The following TNXB variants were observed in gnomAD, a reference collection of about 807,000 sequenced individuals.
The protein encoded by TNXB is tenascin-X.
Under a neutral mutation model 340.5 loss-of-function variants are expected in TNXB, and 183 were observed. The ratio of observed to expected loss-of-function variants is 0.54; its 90% confidence interval spans 0.48 to 0.61. The LOEUF is 0.61. Among genes scored for constraint, TNXB ranks in the 20% least tolerant of loss-of-function variants. TNXB has a pLI of 0.00. For synonymous variants in TNXB, 2,121 were observed against 2,314.5 expected, an observed-to-expected ratio of 0.92 and a Z score of 2.40; for missense variants, 4,613 against 5,446.4, an observed-to-expected ratio of 0.85 and a Z score of 4.82.
intron 23 of TNXB, 63 bp downstream of exon 23, chr6:32,056,523 A>G (rs1026222432): frequency 2.5e-6 from 4 of 1,579,242 alleles, no homozygotes; most frequent in Non-Finnish European, 3.4e-6. Context: ...ACCAGTCATC[A>G]CCAAAGAGCA....
rs2894233 is a variant in TNXB, at chr6:32,043,901, A to G, written c.11387-9T>C. 0.019 allele frequency: 30,811 copies of G among 1,610,014 alleles called. 408 individuals carry two copies. The highest frequency in any genetic ancestry group is 0.023 in the Non-Finnish European group (27,296 of 1,177,022). On this transcript the variant is annotated splice_polypyrimidine_tract_variant and intron_variant, in intron 34 of 43. Transcript: ENST00000644971. ...CACACTCTGAGGCTCCCCTGAAAAC[A>G]TTGGGGATCGAGGGTTACCCAGGGA... is the stretch of plus-strand genomic sequence containing the variant.
At chr6:32,066,472 G>A (rs1374291099) in intron 18 of TNXB, among the ~76,000 whole-genome samples, 3 of 152,174 alleles carry the variant, frequency 2.0e-5, no homozygotes, top group African/African-American at 7.2e-5. Context: ...CTACATTGAT[G>A]AACCTCAAAA....
chr6:32,073,519 C>T lies in TNXB; in HGVS notation c.4681+128G>A. On this transcript the variant is annotated intron_variant, in intron 12 of 43. Coordinates refer to ENST00000644971, the MANE Select transcript of TNXB (RefSeq NM_001365276.2). This position sits in a 1 kb window ranked among gnomAD's most constrained non-coding sequence, Gnocchi z 4.6. ...CAGAAAGACTGGCAGGGTCACCGAG[C>T]CAGGGCCTGAGGGGATCTAGCCCCT... is the stretch of plus-strand genomic sequence containing the variant. 1 of 796,348 alleles carries T rather than the reference C, an allele frequency of 1.3e-6. No individual in the cohort carries two copies. The highest frequency in any genetic ancestry group is 2.0e-6 in the Non-Finnish European group (1 of 512,728). The allele number at this position is 796,348 out of a possible 1,614,324, so 49.3% of individuals were successfully genotyped here.
chr6:32,069,775 G>A lies in TNXB; in HGVS notation c.5365C>T (p.Gln1789Ter). 1 of 1,611,274 alleles carries A rather than the reference G, an allele frequency of 6.2e-7. No homozygotes were observed. Among genetic ancestry groups the A allele is most frequent in the Non-Finnish European group, 8.5e-7 (1 of 1,178,838 alleles). Residue 1789 changes from glutamine to a stop codon, truncating the protein, a stop_gained, in exon 15 of 44, where the codon CAG (glutamine) becomes TAG (stop). Coordinates refer to ENST00000644971, the MANE Select transcript of TNXB (RefSeq NM_001365276.2). LOFTEE classifies it high-confidence loss of function. The surrounding 1 kb of genome is among the most constrained non-coding windows in gnomAD (Gnocchi z 6.2). ...GEELQVTTVT[Q>*]NSVGLSWTVP... Reference sequence around the variant, plus strand: ...GTCCAGGAGAGGCCCACGGAGTTCTGGGTCACGGTGGTCACCTGCAGCTCC... The same window carrying A: ...GTCCAGGAGAGGCCCACGGAGTTCTAGGTCACGGTGGTCACCTGCAGCTCC...
At position 32,061,430 on chromosome 6, in the gene TNXB, G is replaced by A. The variant is rs747880757; in HGVS notation, c.7459C>T (p.Arg2487Cys). Reference protein sequence around the residue: ...MHLYGLHEGRRVGPVSTVGVT... With the variant: ...MHLYGLHEGRCVGPVSTVGVT... ...CCCACGGTGGACACCGGGCCCACGC[G>A]CCGCCCCTCGTGGAGGCCATACAGG... Residue 2487 changes from arginine to cysteine, a missense_variant, in exon 21 of 44, where the codon CGC becomes TGC. Physicochemically the swap from Arg to Cys is radical, Grantham distance 180. This residue lies in a region of TNXB where 4,327 missense variants were observed against 4,859.4 expected (regional missense o/e 0.89). Transcript: ENST00000644971. This position sits in a 1 kb window ranked among gnomAD's most constrained non-coding sequence, Gnocchi z 4.4. The A allele has an allele frequency of 3.7e-5, 60 of 1,612,532 alleles. No homozygotes were observed. The highest frequency in any genetic ancestry group is 1.6e-4 in the Middle Eastern group (1 of 6,078).
Position 32,070,232 on chromosome 6 carries a change from A to G in TNXB, c.5173T>C (p.Ser1725Pro), listed in dbSNP as rs1226299219. ...GCATCCAGAGGGGTGACAGTGACAG[A>G]GCGCTCATGGCCCTCCACGGGCACC... ...QVVPVEGHERSVTVTPLDAGR... is the reference protein window; with the variant it reads ...QVVPVEGHERPVTVTPLDAGR... The change falls in exon 14 of 44, where the codon TCT becomes CCT. Residue 1725 changes from serine (S) to proline (P), a missense_variant. This residue lies in a region of TNXB where 4,327 missense variants were observed against 4,859.4 expected (regional missense o/e 0.89). Coordinates refer to ENST00000644971, the MANE Select transcript of TNXB (RefSeq NM_001365276.2). This position sits in a 1 kb window ranked among gnomAD's most constrained non-coding sequence, Gnocchi z 6.0. 1.6e-5 allele frequency: 26 copies of G among 1,610,036 alleles called. No individual in the cohort carries two copies. Among genetic ancestry groups the G allele is most frequent in the Non-Finnish European group, 2.1e-5 (25 of 1,178,430 alleles).
Position 32,043,906 on chromosome 6 carries a change from G to T in TNXB, c.11387-14C>A. ...TCTGAGGCTCCCCTGAAAACATTGG[G>T]GATCGAGGGTTACCCAGGGAACCCC... On this transcript the variant is annotated splice_polypyrimidine_tract_variant and intron_variant, in intron 34 of 43. Transcript: ENST00000644971. 6.2e-7 allele frequency: 1 copy of T among 1,613,526 alleles called. No homozygotes were observed. Among genetic ancestry groups the T allele is most frequent in the Non-Finnish European group, 8.5e-7 (1 of 1,179,986 alleles).
chr6:32,060,781 G>C (rs916474634), intron 21 of TNXB, among the ~76,000 whole-genome samples: 1 of 151,874 alleles, frequency 6.6e-6, no homozygotes, highest in Non-Finnish European at 1.5e-5. Flanking sequence ...TGGGATTACA[G>C]GCATGTGCCA....
At position 32,079,221 on chromosome 6, in the gene TNXB, T is replaced by TG. The variant is rs963127265; in HGVS notation, c.4186dup (p.Gln1396ProfsTer29). The TG allele has an allele frequency of 1.2e-6, 2 of 1,613,736 alleles. No homozygotes were observed. Among genetic ancestry groups the TG allele is most frequent in the Non-Finnish European group, 1.7e-6 (2 of 1,179,862 alleles). On this transcript the variant is annotated frameshift_variant, in exon 11 of 44. Transcript: ENST00000644971. LOFTEE classifies it high-confidence loss of function. The surrounding 1 kb of genome is among the most constrained non-coding windows in gnomAD (Gnocchi z 7.1). Reference sequence around the variant, plus strand: ...CACGGTGAAAGAGTCGAAGCTGCCCTGGGGGACGGTCCAGAAGAGGCTCAG... The same window carrying TG: ...CACGGTGAAAGAGTCGAAGCTGCCCTGGGGGGACGGTCCAGAAGAGGCTCAG...
chr6:32,098,730 TCAG>T (rs893287013), intron 1 of TNXB, among the ~76,000 whole-genome samples: 1 of 152,202 alleles, frequency 6.6e-6, no homozygotes, highest in African/African-American at 2.4e-5. Context: ...TCTGCTCGCC[TCAG>T]CCTCCCAAAG....
In TNXB at chr6:32,046,421, C is replaced by A; in HGVS notation, c.10360G>T (p.Glu3454Ter). 1.3e-6 allele frequency: 2 copies of A among 1,576,966 alleles called. No homozygotes were observed. The change falls in exon 31 of 44, where the codon GAA becomes TAA. Residue 3454 changes from glutamate (E) to a stop codon, truncating the protein, a stop_gained. Transcript: ENST00000644971. LOFTEE classifies it high-confidence loss of function. This position sits in a 1 kb window ranked among gnomAD's most constrained non-coding sequence, Gnocchi z 6.9. ...LEKELPPHLG[E>*]LTVAEETSSS... The stretch of plus-strand genomic sequence containing the variant: ...GAGGTCTCCTCAGCCACGGTCAGTT[C>A]CCCCAGGTGGGGAGGTAGCTCCTTC...
At chr6:32,071,875 G>T in intron 13 of TNXB, 115 bp downstream of exon 13, 1 of 943,392 alleles carries the variant, frequency 1.1e-6, no homozygotes. Context: ...CTAGCCCCAT[G>T]TGGCTTTTCA....
intron 28 of TNXB, 65 bp from the exon 29 acceptor site, chr6:32,048,715 T>A: frequency 7.4e-7 from 1 of 1,349,914 alleles, no homozygotes; most frequent in Non-Finnish European, 9.6e-7. Flanking sequence ...GGCAGTGCTC[T>A]CCCAGGACTG....
intron 13 of TNXB, among the ~76,000 whole-genome samples, chr6:32,071,051 C>T (rs117984627): frequency 1.3e-5 from 2 of 152,298 alleles, no homozygotes; most frequent in East Asian, 3.9e-4. Flanking sequence ...GCCTGAGGAG[C>T]CATCCCAGGG....
Position 32,079,069 on chromosome 6 carries a change from GC to G in TNXB, c.4338del (p.Gln1447SerfsTer11), listed in dbSNP as rs1265767426. ...YKMHLYGLHE[G>X]QRVGPVSAVG... ...ACGGCGGACACCGGGCCCACGCGCT[GC>G]CCCTCGTGGAGGCCGTACAGGTGCA... On this transcript the variant is annotated frameshift_variant, in exon 11 of 44. Coordinates refer to ENST00000644971, the MANE Select transcript of TNXB (RefSeq NM_001365276.2). LOFTEE classifies it high-confidence loss of function. This position sits in a 1 kb window ranked among gnomAD's most constrained non-coding sequence, Gnocchi z 7.1. The G allele has an allele frequency of 6.2e-7, 1 of 1,613,252 alleles. No individual in the cohort carries two copies. Among genetic ancestry groups the G allele is most frequent in the Non-Finnish European group, 8.5e-7 (1 of 1,179,720 alleles).
rs1323214355 is a variant in TNXB at position 32,070,298 on chromosome 6, A to G, written c.5107T>C (p.Ser1703Pro). The change falls in exon 14 of 44, where the codon TCT (serine) becomes CCT (proline). Residue 1703 changes from serine to proline, a missense_variant. Around this residue, in one of 7 missense-constraint regions of TNXB, gnomAD observed 4,327 missense variants for 4,859.4 expected, o/e 0.89. Coordinates refer to ENST00000644971, the MANE Select transcript of TNXB (RefSeq NM_001365276.2). This position sits in a 1 kb window ranked among gnomAD's most constrained non-coding sequence, Gnocchi z 6.0. ...TTGTCCTTGAACTGGACCACAAAAG[A>G]GTCGAACTGGCCCTCAGGAACCGTC... ...SWTVPEGQFD[S>P]FVVQFKDKDG... The G allele has an allele frequency of 6.2e-7, 1 of 1,613,030 alleles. No individual in the cohort carries two copies. The highest frequency in any genetic ancestry group is 8.5e-7 in the Non-Finnish European group (1 of 1,179,546).
At position 32,098,026 on chromosome 6, in the gene TNXB, TGAG is replaced by T; in HGVS notation, c.170_172del (p.Ser57_Gln58delinsTer). 6.2e-7 allele frequency: 1 copy of T among 1,607,296 alleles called. No individual in the cohort carries two copies. Among genetic ancestry groups the T allele is most frequent in the South Asian group, 1.1e-5 (1 of 89,538 alleles). ...TCCTTCCACTGTGTGCTCGTAAAGC[TGAG>T]AAGAGGGGCTTCCCACTCCAGCCCC... On this transcript the variant is annotated stop_gained and inframe_deletion, in exon 2 of 44. Coordinates refer to ENST00000644971, the MANE Select transcript of TNXB (RefSeq NM_001365276.2). LOFTEE classifies it high-confidence loss of function.
At chr6:32,059,478 T>A (rs1171583007) in intron 21 of TNXB, among the ~76,000 whole-genome samples, 2 of 61,910 alleles carry the variant, frequency 3.2e-5, no homozygotes, top group East Asian at 4.1e-4. Context: ...CAATTAATAA[T>A]AGAGTGTGGG....
intron 19 of TNXB, among the ~76,000 whole-genome samples, chr6:32,063,350 G>A (rs956469463): frequency 2.2e-4 from 33 of 151,656 alleles, no homozygotes; most frequent in African/African-American, 1.7e-4. Flanking sequence ...ATCGCACCAC[G>A]GCACTCCAGC....
Sources: gnomAD v4.1 joint callset for allele counts (sites outside exome capture counted in the v4.1 genomes callset) on GRCh38, gnomAD v4.1.1 for gene constraint, gnomAD v4.1.1 regional missense constraint, Gnocchi (gnomAD v3.1) non-coding constraint, MANE v1.5 for transcripts, NCBI Gene and HGNC (gene_info 2026-07-23, HGNC 2026-07-21) for gene names.